KIAA1549L: variants seen among roughly 807,000 people sequenced by gnomAD.
KIAA1549L encodes UPF0606 protein KIAA1549L.
A neutral mutation model predicts 160.7 loss-of-function variants in KIAA1549L; 88 were observed. That is an observed-to-expected ratio of 0.55 (90% CI 0.46 to 0.65). The LOEUF (loss-of-function observed/expected upper bound fraction) is 0.65, where lower values mean the gene tolerates loss of function less well. KIAA1549L is among the 30% of genes least tolerant of loss of function. The probability of loss-of-function intolerance (pLI) is 0.00; values close to 1 mark genes in which losing one functional copy is unlikely to be tolerated. For synonymous variants in KIAA1549L, 950 were observed against 976.7 expected (o/e 0.97, Z 0.51); for missense variants, 2,258 against 2,437.5 (o/e 0.93, Z 1.55).
chr11:33,420,096 CT>C (rs1850975715), intron 1 of KIAA1549L, among the ~76,000 whole-genome samples: 2 of 152,030 alleles, frequency 1.3e-5, no homozygotes, highest in Non-Finnish European at 2.9e-5. Flanking sequence ...TCATCTGACA[CT>C]ATTTGTGGTA....
intron 1 of KIAA1549L, among the ~76,000 whole-genome samples, chr11:33,407,081 ATTTTT>A (rs750670251): frequency 1.3e-4 from 13 of 100,134 alleles, no homozygotes; most frequent in South Asian, 6.9e-4. Context: ...TTCTTTTTTC[ATTTTT>A]TTTTTTTTTT....
At chr11:33,620,691 A>G (rs1242516995) in intron 16 of KIAA1549L, among the ~76,000 whole-genome samples, 1 of 152,194 alleles carries the variant, frequency 6.6e-6, no homozygotes, top group Non-Finnish European at 1.5e-5. Context: ...ACCATGCAAT[A>G]TGGCCTCTGT....
chr11:33,428,667 A>G (rs1384992552), intron 1 of KIAA1549L, among the ~76,000 whole-genome samples: 3 of 152,180 alleles, frequency 2.0e-5, no homozygotes, highest in Non-Finnish European at 4.4e-5. Flanking sequence ...TCCATGGTGT[A>G]TATGTGCCAC....
intron 10 of KIAA1549L, 60 bp from the exon 11 acceptor site, chr11:33,583,278 G>C: frequency 6.7e-7 from 1 of 1,495,860 alleles, no homozygotes; most frequent in Admixed American, 2.0e-5. Context: ...GTTATGTCTG[G>C]GTTGCTTTCC....
intron 9 of KIAA1549L, among the ~76,000 whole-genome samples, chr11:33,570,092 C>T (rs963021585): frequency 3.3e-5 from 5 of 151,950 alleles, no homozygotes; most frequent in African/African-American, 4.8e-5. Flanking sequence ...CAACCTCCGC[C>T]TCCCGGGTCC....
At chr11:33,546,171 C>T (rs1854254169) in intron 3 of KIAA1549L, among the ~76,000 whole-genome samples, 1 of 152,216 alleles carries the variant, frequency 6.6e-6, no homozygotes, top group Non-Finnish European at 1.5e-5. Flanking sequence ...ATGTTGAATG[C>T]TCACATCCTG....
intron 1 of KIAA1549L, among the ~76,000 whole-genome samples, chr11:33,492,905 T>C (rs1197367034): frequency 6.6e-6 from 1 of 152,182 alleles, no homozygotes; most frequent in Non-Finnish European, 1.5e-5. Context: ...GCAGTACTAA[T>C]GTGGAGGGAG....
chr11:33,606,889 A>G, intron 14 of KIAA1549L, 67 bp downstream of exon 14: 4 of 1,353,736 alleles, frequency 3.0e-6, no homozygotes, highest in Non-Finnish European at 4.0e-6. Flanking sequence ...ACGAAGGAAC[A>G]ACACCTGTGA....
chr11:33,448,062 T>C (rs1278313916), intron 1 of KIAA1549L, among the ~76,000 whole-genome samples: 1 of 151,526 alleles, frequency 6.6e-6, no homozygotes, highest in South Asian at 2.1e-4. Flanking sequence ...CAATAACTTA[T>C]TTTTTTTAAT....
intron 1 of KIAA1549L, among the ~76,000 whole-genome samples, chr11:33,525,105 T>C (rs1853582382): frequency 6.6e-6 from 1 of 152,124 alleles, no homozygotes; most frequent in Non-Finnish European, 1.5e-5. Context: ...GACAGAACAG[T>C]GTGTGGGGAC....
At chr11:33,602,844 A>G (rs780434195) in intron 13 of KIAA1549L, among the ~76,000 whole-genome samples, 13 of 152,132 alleles carry the variant, frequency 8.5e-5, no homozygotes, top group Non-Finnish European at 1.9e-4. Flanking sequence ...ATAACTAATT[A>G]TTTTTCTCTT....
intron 1 of KIAA1549L, among the ~76,000 whole-genome samples, chr11:33,399,488 A>T (rs1027083408): frequency 2.6e-5 from 4 of 152,270 alleles, no homozygotes; most frequent in Non-Finnish European, 4.4e-5. Flanking sequence ...AAATTCTTCT[A>T]AGTCCCCAAG....
At chr11:33,405,043 GA>G (rs1283888777) in intron 1 of KIAA1549L, among the ~76,000 whole-genome samples, 1 of 148,656 alleles carries the variant, frequency 6.7e-6, no homozygotes, top group African/African-American at 2.5e-5. Context: ...CAAAAGATAA[GA>G]AAAAAAGTCA....
chr11:33,429,596 A>G (rs541049670), intron 1 of KIAA1549L, among the ~76,000 whole-genome samples: 151 of 152,062 alleles, frequency 9.9e-4, no homozygotes, highest in Non-Finnish European at 1.6e-3. Flanking sequence ...CCATGATTTC[A>G]TGGTTCTTCT....
At chr11:33,387,002 G>A (rs554849881) in intron 1 of KIAA1549L, among the ~76,000 whole-genome samples, 1 of 152,018 alleles carries the variant, frequency 6.6e-6, no homozygotes, top group African/African-American at 2.4e-5. Context: ...AGCTACTTGG[G>A]AGGCTGAAGC....
chr11:33,599,078 G>A, intron 13 of KIAA1549L, 131 bp downstream of exon 13: 1 of 1,072,052 alleles, frequency 9.3e-7, no homozygotes, highest in Non-Finnish European at 1.3e-6. Flanking sequence ...TTTCTATTCT[G>A]CCCCACAAGG....
intron 1 of KIAA1549L, among the ~76,000 whole-genome samples, chr11:33,389,658 C>G (rs1045685202): frequency 5.9e-5 from 9 of 152,200 alleles, no homozygotes; most frequent in African/African-American, 1.9e-4. Flanking sequence ...AGTCTCTAGT[C>G]CAGCAATAAA....
At chr11:33,532,017 G>T (rs1285239584) in intron 1 of KIAA1549L, among the ~76,000 whole-genome samples, 1 of 152,158 alleles carries the variant, frequency 6.6e-6, no homozygotes, top group East Asian at 1.9e-4. Context: ...CCCCAGATCT[G>T]GAGATGGAGG....
chr11:33,620,710 T>C (rs1220327125), intron 16 of KIAA1549L, among the ~76,000 whole-genome samples: 1 of 152,204 alleles, frequency 6.6e-6, no homozygotes, highest in African/African-American at 2.4e-5. Context: ...GTATTCATCC[T>C]TCCTCACTAT....
Sources: gnomAD v4.1 joint callset for allele counts (sites outside exome capture counted in the v4.1 genomes callset) on GRCh38, gnomAD v4.1.1 for gene constraint, MANE v1.5 for transcripts, NCBI Gene and HGNC (gene_info 2026-07-23, HGNC 2026-07-21) for gene names.